The following ARAP2 variants were observed in gnomAD, a reference collection of about 807,000 sequenced individuals.
ARAP2 encodes the protein arf-GAP with Rho-GAP domain, ANK repeat and PH domain-containing protein 2.
A neutral mutation model predicts 194.5 loss-of-function variants in ARAP2; 148 were observed. The observed-to-expected ratio is 0.76, with a 90% CI of 0.67 to 0.87. ARAP2 has a LOEUF of 0.87. ARAP2 is among the 40% of genes least tolerant of loss of function. The pLI is 0.00. For missense variants in ARAP2, 2,128 were observed against 1,989.7 expected, an observed-to-expected ratio of 1.07 and a Z score of -1.32; for synonymous variants, 695 against 683.5, an observed-to-expected ratio of 1.02 and a Z score of -0.26.
At chr4:36,242,108 C>G (rs2109389230) in intron 1 of ARAP2, among the ~76,000 whole-genome samples, 1 of 152,276 alleles carries the variant, frequency 6.6e-6, no homozygotes, top group South Asian at 2.1e-4. Flanking sequence ...CAAGTAATAA[C>G]TAAAATGATA....
chr4:36,073,900 C>A, intron 31 of ARAP2, 77 bp from the exon 32 acceptor site: 2 of 1,510,932 alleles, frequency 1.3e-6, no homozygotes, highest in South Asian at 1.2e-5. Flanking sequence ...CACTTGGTTT[C>A]TTTCCCACAT....
At chr4:36,111,779 T>C (rs1022514652) in intron 26 of ARAP2, among the ~76,000 whole-genome samples, 1 of 152,002 alleles carries the variant, frequency 6.6e-6, no homozygotes, top group African/African-American at 2.4e-5. Context: ...ACCCCTCTTC[T>C]AGCTATATAT....
chr4:36,029,468 G>T (rs1718546327), intron 5 of ARAP2, among the ~76,000 whole-genome samples: 1 of 151,710 alleles, frequency 6.6e-6, no homozygotes. Flanking sequence ...ATATTCATTT[G>T]TCCACCCCCG....
intron 27 of ARAP2, among the ~76,000 whole-genome samples, chr4:36,105,556 C>T (rs1324151856): frequency 1.3e-5 from 2 of 151,918 alleles, no homozygotes; most frequent in Non-Finnish European, 2.9e-5. Flanking sequence ...ATCACGAAAA[C>T]ACCAAATCTT....
chr4:36,089,216 C>T (rs1251431582), intron 28 of ARAP2, among the ~76,000 whole-genome samples: 5 of 152,232 alleles, frequency 3.3e-5, no homozygotes, highest in East Asian at 3.9e-4. Context: ...TTCTTATGCA[C>T]AGACTTATAT....
chr4:36,108,082 G>C (rs1718896337), intron 26 of ARAP2, among the ~76,000 whole-genome samples: 1 of 151,562 alleles, frequency 6.6e-6, no homozygotes, highest in Admixed American at 6.6e-5. Context: ...ACCTAGGCTG[G>C]AGTGCAGTGA....
intron 31 of ARAP2, among the ~76,000 whole-genome samples, chr4:36,079,537 G>A (rs1304877392): frequency 6.6e-6 from 1 of 152,102 alleles, no homozygotes; most frequent in Non-Finnish European, 1.5e-5. Context: ...AGACAAGGTT[G>A]GGAAACAAAC....
chr4:36,124,890 G>T lies in ARAP2; in HGVS notation c.3718C>A (p.Leu1240Ile). 6.2e-7 allele frequency: 1 copy of T among 1,610,768 alleles called. No homozygotes were observed. The highest frequency in any genetic ancestry group is 8.5e-7 in the Non-Finnish European group (1 of 1,177,930). Residue 1240 changes from leucine (L) to isoleucine (I), a missense_variant, in exon 22 of 33, where the codon CTA (leucine) becomes ATA (isoleucine). Physicochemically the swap from Leu to Ile is conservative, Grantham distance 5. Coordinates refer to ENST00000303965, the MANE Select transcript of ARAP2 (RefSeq NM_015230.4). ...RSLPGVNRAT[L>I]AAIIEHLYRV... ...TACAGGTGTTCAATGATAGCTGCTAGTGTTGCTCGGTTGACCCCTGGAAGA... is the reference window on the plus strand; with the variant it reads ...TACAGGTGTTCAATGATAGCTGCTATTGTTGCTCGGTTGACCCCTGGAAGA...
At chr4:36,171,285 G>A (rs1028125083) in intron 9 of ARAP2, among the ~76,000 whole-genome samples, 2 of 152,068 alleles carry the variant, frequency 1.3e-5, no homozygotes, top group African/African-American at 2.4e-5. Flanking sequence ...GTCCAACAAC[G>A]ATAGACTGGA....
In ARAP2 at chr4:36,154,672, A is replaced by G. The variant is rs561531850; in HGVS notation, c.2753-3628T>C. ...CAGTCTTTATAACCAGAGGCCAGAAAAACTTCAAATCTTAAAAACCTGAAC... is the reference window on the plus strand; with the variant it reads ...CAGTCTTTATAACCAGAGGCCAGAAGAACTTCAAATCTTAAAAACCTGAAC... On this transcript the variant is annotated intron_variant, in intron 15 of 32. Transcript: ENST00000303965. Among the ~76,000 whole-genome samples, 16 of 152,314 alleles carry G rather than the reference A, an allele frequency of 1.1e-4. No individual in the cohort carries two copies. In the South Asian group the frequency reaches 3.1e-3, roughly 30 times the overall value.
intron 6 of ARAP2, among the ~76,000 whole-genome samples, chr4:36,194,618 T>C (rs1331789322): frequency 6.6e-6 from 1 of 152,220 alleles, no homozygotes; most frequent in Non-Finnish European, 1.5e-5. Flanking sequence ...AGCTTGTCTC[T>C]GGGCTGGTTC....
At chr4:36,136,842 A>G (rs1468317021) in intron 19 of ARAP2, among the ~76,000 whole-genome samples, 1 of 143,884 alleles carries the variant, frequency 7.0e-6, no homozygotes, top group East Asian at 2.1e-4. Flanking sequence ...TCTCAGTCCT[A>G]TCACACCTAA....
chr4:36,177,354 C>T (rs1305809007), intron 9 of ARAP2, among the ~76,000 whole-genome samples: 2 of 152,024 alleles, frequency 1.3e-5, no homozygotes, highest in African/African-American at 4.8e-5. Flanking sequence ...ATATACCTTA[C>T]ATACATCTGT....
intron 8 of ARAP2, 52 bp downstream of exon 8, chr4:36,187,399 T>C: frequency 3.9e-6 from 4 of 1,034,904 alleles, no homozygotes; most frequent in African/African-American, 1.7e-5. Flanking sequence ...GGTTTATTAA[T>C]ATGATTAGTC....
intron 31 of ARAP2, among the ~76,000 whole-genome samples, chr4:36,079,622 A>G (rs1729060347): frequency 1.3e-5 from 2 of 152,282 alleles, no homozygotes; most frequent in Admixed American, 6.5e-5. Flanking sequence ...ACAAATACGG[A>G]ACTGAGTATA....
At chr4:36,087,369 T>G (rs984431) in intron 28 of ARAP2, among the ~76,000 whole-genome samples, 2 of 152,042 alleles carry the variant, frequency 1.3e-5, no homozygotes, top group Admixed American at 1.3e-4. Context: ...ATATGCAAAT[T>G]TAACTTTCAA....
chr4:36,088,417 G>C (rs1712527161), intron 28 of ARAP2, among the ~76,000 whole-genome samples: 2 of 152,182 alleles, frequency 1.3e-5, no homozygotes, highest in Middle Eastern at 3.4e-3. Context: ...AAAATCTGAT[G>C]TGTTCCATCA....
chr4:36,154,108 T>A (rs1439723101), intron 15 of ARAP2, among the ~76,000 whole-genome samples: 1 of 152,182 alleles, frequency 6.6e-6, no homozygotes, highest in Non-Finnish European at 1.5e-5. Flanking sequence ...ATCTGTTATA[T>A]GCTTGAACTA....
intron 27 of ARAP2, among the ~76,000 whole-genome samples, chr4:36,094,133 C>T (rs1364071461): frequency 6.6e-6 from 1 of 152,100 alleles, no homozygotes; most frequent in East Asian, 1.9e-4. Flanking sequence ...CAGGCCAAAT[C>T]CAACCCTCTG....
Sources: allele counts gnomAD v4.1 joint callset (sites outside exome capture counted in the v4.1 genomes callset), GRCh38; gene constraint gnomAD v4.1.1; transcripts MANE v1.5; gene names NCBI Gene and HGNC (gene_info 2026-07-23, HGNC 2026-07-21).